Variants in PRKAR1B observed in about 807,000 individuals in gnomAD.
The protein encoded by PRKAR1B is protein kinase cAMP-dependent type I regulatory subunit beta.
A neutral mutation model predicts 46.5 loss-of-function variants in PRKAR1B; 22 were observed. The ratio of observed to expected loss-of-function variants is 0.47; its 90% CI spans 0.34 to 0.68. The LOEUF is 0.68. Ranked by LOEUF, PRKAR1B falls within the 30% of genes least tolerant of loss-of-function variation. The probability of loss-of-function intolerance (pLI) is 0.01; values close to 1 mark genes in which losing one functional copy is unlikely to be tolerated. For synonymous variants in PRKAR1B, 259 were observed against 217.7 expected (o/e 1.19, Z -1.67); for missense variants, 445 against 535.6 (o/e 0.83, Z 1.67).
intron 2 of PRKAR1B, among the ~76,000 whole-genome samples, chr7:704,808 A>C (rs1780234427): frequency 6.6e-6 from 1 of 152,202 alleles, no homozygotes. Context: ...TACTAGAAGA[A>C]AATATTTTGT....
chr7:660,744 G>A (rs1348580984), intron 4 of PRKAR1B, among the ~76,000 whole-genome samples: 20 of 82,160 alleles, frequency 2.4e-4, no homozygotes, highest in East Asian at 8.0e-4. Flanking sequence ...CCACCCCAAC[G>A]GGTCCAAATA....
chr7:637,881 A>T (rs1426010612), intron 4 of PRKAR1B, among the ~76,000 whole-genome samples: 1 of 152,114 alleles, frequency 6.6e-6, no homozygotes, highest in Non-Finnish European at 1.5e-5. Context: ...GGGCTAAAAC[A>T]GGCAGCACAG....
At chr7:693,736 G>A (rs1303467874) in intron 2 of PRKAR1B, among the ~76,000 whole-genome samples, 2 of 152,156 alleles carry the variant, frequency 1.3e-5, no homozygotes, top group African/African-American at 4.8e-5. Flanking sequence ...TTGAAGACCT[G>A]TTCTCAATTC....
chr7:607,729 T>C (rs1318039163), intron 4 of PRKAR1B: 4 of 350,546 alleles, frequency 1.1e-5, no homozygotes, highest in African/African-American at 2.2e-5. Context: ...GGTCATGCCA[T>C]ACATGCATTT....
chr7:708,815 C>T (rs1780463693), intron 2 of PRKAR1B, among the ~76,000 whole-genome samples: 4 of 145,166 alleles, frequency 2.8e-5, no homozygotes, highest in South Asian at 2.2e-4. Context: ...TTTTCTGAGA[C>T]GGAGTCTCCC....
intron 7 of PRKAR1B, among the ~76,000 whole-genome samples, chr7:587,706 G>C (rs1780677933): frequency 6.6e-6 from 1 of 152,212 alleles, no homozygotes; most frequent in Admixed American, 6.5e-5. Context: ...AGGGGAGGCA[G>C]TCCGCAGCCC....
chr7:582,113 G>A (rs1479922516), intron 8 of PRKAR1B, among the ~76,000 whole-genome samples: 2 of 152,262 alleles, frequency 1.3e-5, no homozygotes, highest in Non-Finnish European at 2.9e-5. Flanking sequence ...CCTGACAAGG[G>A]CAGCCTGCAG....
chr7:616,706 T>C (rs962323553), intron 4 of PRKAR1B, among the ~76,000 whole-genome samples: 1 of 152,150 alleles, frequency 6.6e-6, no homozygotes, highest in African/African-American at 2.4e-5. Context: ...CCCAGCCTTT[T>C]CCCTCCACAC....
At position 567,914 on chromosome 7, in the gene PRKAR1B, G is replaced by C. The variant is rs151053783; in HGVS notation, c.891+11342C>G. On this transcript the variant is annotated intron_variant, in intron 9 of 10. Transcript: ENST00000537384. ...GGAGTGTGTGTTTGGTGGGGACAGA[G>C]CTTCAGCCTGGGAAGATGAAACATT... Among the ~76,000 whole-genome samples the C allele has an allele frequency of 1.5e-3, 231 of 152,240 alleles. 1 individual carries two copies. The highest frequency in any genetic ancestry group is 5.4e-3 in the African/African-American group (225 of 41,532).
At chr7:604,124 C>T (rs1171824728) in intron 6 of PRKAR1B, among the ~76,000 whole-genome samples, 1 of 152,190 alleles carries the variant, frequency 6.6e-6, no homozygotes, top group South Asian at 2.1e-4. Context: ...TGCAGCCCCC[C>T]ATCAGGCCCT....
At chr7:724,091 T>A (rs1414770167) in intron 1 of PRKAR1B, among the ~76,000 whole-genome samples, 5 of 152,220 alleles carry the variant, frequency 3.3e-5, no homozygotes, top group African/African-American at 1.2e-4. Context: ...GATCACTTCC[T>A]GAACTATGGG....
At chr7:605,295 G>A (rs895798525) in intron 6 of PRKAR1B, among the ~76,000 whole-genome samples, 2 of 152,230 alleles carry the variant, frequency 1.3e-5, no homozygotes, top group Non-Finnish European at 2.9e-5. Flanking sequence ...CCTAGCGGGC[G>A]TTTTCCCAGA....
chr7:713,564 C>A (rs187472887), intron 1 of PRKAR1B, among the ~76,000 whole-genome samples: 2,571 of 151,966 alleles, frequency 0.017, 35 homozygotes, highest in East Asian at 0.099. Flanking sequence ...ACCTGGTCCA[C>A]ACTCACGTAT....
chr7:610,146 T>C (rs1331395125), intron 4 of PRKAR1B, among the ~76,000 whole-genome samples: 3 of 152,188 alleles, frequency 2.0e-5, no homozygotes, highest in Non-Finnish European at 4.4e-5. Context: ...TGGGCCACGA[T>C]GGACATGACA....
At chr7:684,515 T>C (rs973424087) in intron 2 of PRKAR1B, among the ~76,000 whole-genome samples, 3 of 152,158 alleles carry the variant, frequency 2.0e-5, no homozygotes, top group Non-Finnish European at 4.4e-5. Context: ...AGCATGGAAT[T>C]TGACATTCAG....
chr7:551,539 C>G (rs1414913777), intron 9 of PRKAR1B, 69 bp from the exon 10 acceptor site: 1 of 1,467,060 alleles, frequency 6.8e-7, no homozygotes, highest in Non-Finnish European at 9.3e-7. Flanking sequence ...CGTGAGGGGT[C>G]ACCCCACAGG....
chr7:616,519 C>A (rs1782832406), intron 4 of PRKAR1B, among the ~76,000 whole-genome samples: 1 of 152,246 alleles, frequency 6.6e-6, no homozygotes, highest in African/African-American at 2.4e-5. Flanking sequence ...CGGGGCTCAT[C>A]CAAGCTAGGC....
intron 9 of PRKAR1B, chr7:565,005 T>G (rs538148840): frequency 5.3e-5 from 8 of 152,278 alleles, no homozygotes; most frequent in African/African-American, 1.9e-4. Flanking sequence ...CCTGGCGACT[T>G]CCTGGGCTTC....
chr7:557,649 C>T (rs1044827069), intron 9 of PRKAR1B, among the ~76,000 whole-genome samples: 5 of 152,172 alleles, frequency 3.3e-5, no homozygotes, highest in Non-Finnish European at 5.9e-5. Flanking sequence ...GGGCGGCCGC[C>T]GCAACCACCA....
Sources: gnomAD v4.1 joint callset for allele counts (sites outside exome capture counted in the v4.1 genomes callset) on GRCh38, gnomAD v4.1.1 for gene constraint, MANE v1.5 for transcripts, NCBI Gene and HGNC (gene_info 2026-07-23, HGNC 2026-07-21) for gene names.